Variants in ABCC2 observed in about 807,000 individuals in gnomAD.
The protein encoded by ABCC2 is ATP-binding cassette sub-family C member 2.
ABCC2 carries 157 observed loss-of-function variants against 173.4 expected under a neutral mutation model. The ratio of observed to expected loss-of-function variants is 0.91; its 90% CI spans 0.80 to 1.03. The LOEUF (loss-of-function observed/expected upper bound fraction) is 1.03. Ranked by LOEUF, ABCC2 falls within the 50% of genes least tolerant of loss-of-function variation. The pLI is 0.00. For synonymous variants in ABCC2, 657 were observed against 693.5 expected (o/e 0.95, Z 0.83); for missense variants, 1,822 against 1,852.3 (o/e 0.98, Z 0.30).
chr10:99,795,835 A>G (rs2037903166), intron 6 of ABCC2, among the ~76,000 whole-genome samples: 1 of 152,108 alleles, frequency 6.6e-6, no homozygotes, highest in African/African-American at 2.4e-5. Context: ...GTTAGATGCT[A>G]TTACAAATAA....
chr10:99,851,900 C>A lies in ABCC2; in HGVS notation c.*269C>A. 1 of 344,136 alleles carries A rather than the reference C, an allele frequency of 2.9e-6. No individual in the cohort carries two copies. The highest frequency in any genetic ancestry group is 4.4e-5 in the South Asian group (1 of 22,490). 21.3% of individuals were successfully genotyped at this position (344,136 alleles called of 1,614,324 possible). A position where few individuals can be genotyped will look rare whatever the true frequency, so the allele number is the denominator to read the frequency against. ...TGTCCTGAATTTCACGATAATTATT[C>A]CTTTGCCTTTCATTTCTGTTTTATC... On this transcript the variant is annotated 3_prime_UTR_variant, in exon 32 of 32. Transcript: ENST00000647814.
Position 99,814,177 on chromosome 10 carries a change from A to ACGTATATATACACACATG in ABCC2, c.2094+1033_2094+1034insCGTATATATACACACATG, listed in dbSNP as rs1564683398. Among the ~76,000 whole-genome samples, 184 of 99,756 alleles carry ACGTATATATACACACATG rather than the reference A, an allele frequency of 1.8e-3. 40 individuals are homozygous for ACGTATATATACACACATG. Among genetic ancestry groups the ACGTATATATACACACATG allele is most frequent in the Non-Finnish European group, 5.7e-4 (27 of 47,340 alleles). The allele number at this position is 99,756 out of a possible 152,430, so 65.4% of individuals were successfully genotyped here. A position where few individuals can be genotyped will look rare whatever the true frequency, so the allele number is the denominator to read the frequency against. ...TGTATACACACGTATATATACACAC[A>ACGTATATATACACACATG]TGTATGTATACACACATGTGTATAT... On this transcript the variant is annotated intron_variant, in intron 16 of 31. Coordinates refer to ENST00000647814, the MANE Select transcript of ABCC2 (RefSeq NM_000392.5).
intron 26 of ABCC2, among the ~76,000 whole-genome samples, chr10:99,842,583 C>A (rs1449493077): frequency 6.6e-6 from 1 of 152,160 alleles, no homozygotes; most frequent in Non-Finnish European, 1.5e-5. Context: ...GGATACATGG[C>A]AGGCATGATT....
At chr10:99,787,050 C>G (rs7393085) in intron 2 of ABCC2, among the ~76,000 whole-genome samples, 87,174 of 150,708 alleles carry the variant, frequency 0.58, 25,482 homozygotes, top group East Asian at 0.77. Flanking sequence ...CACCTGTAAC[C>G]CCAGCTACTC....
chr10:99,841,916 A>G (rs1370723963), intron 25 of ABCC2, 51 bp from the exon 26 acceptor site: 1 of 1,613,690 alleles, frequency 6.2e-7, no homozygotes, highest in Non-Finnish European at 8.5e-7. Context: ...TTGCTGGTTA[A>G]GATGAGGACG....
In ABCC2 at chr10:99,831,664, A is replaced by G. The variant is rs761760214; in HGVS notation, c.2937A>G (p.Ile979Met). Residue 979 changes from isoleucine to methionine, a missense_variant, in exon 22 of 32, where the codon ATA (isoleucine) becomes ATG (methionine). Coordinates refer to ENST00000647814, the MANE Select transcript of ABCC2 (RefSeq NM_000392.5). ...TACAAGCAATAGGATTGTTTTCGAT[A>G]TTCTTCATCATCCTTGCGTTTGTGA... ...EYLQAIGLFSIFFIILAFVMN... is the reference protein window; with the variant it reads ...EYLQAIGLFSMFFIILAFVMN... 5 of 1,614,146 alleles carry G rather than the reference A, an allele frequency of 3.1e-6. No homozygotes were observed. Among genetic ancestry groups the G allele is most frequent in the Admixed American group, 1.7e-5 (1 of 60,024 alleles).
intron 14 of ABCC2, among the ~76,000 whole-genome samples, chr10:99,811,258 A>G (rs995281083): frequency 1.6e-4 from 24 of 152,012 alleles, no homozygotes; most frequent in African/African-American, 5.8e-4. Flanking sequence ...TGAGCCCGGA[A>G]AGTCAAGGCG....
At chr10:99,812,899 T>C in intron 15 of ABCC2, 119 bp from the exon 16 acceptor site, 2 of 1,382,650 alleles carry the variant, frequency 1.4e-6, no homozygotes, top group South Asian at 2.3e-5. Context: ...AGGCAAATTT[T>C]CCAATCTTGA....
Position 99,823,096 on chromosome 10 carries a change from C to T in ABCC2, c.2620+3827C>T, listed in dbSNP as rs1256635464. Among the ~76,000 whole-genome samples the T allele has an allele frequency of 3.9e-5, 6 of 152,122 alleles. 1 individual carries two copies. ...CCAAATGAAGGTACATGCGTGACAT[C>T]CATTTGCCATAATGCATTAGGACAC... is the stretch of plus-strand genomic sequence containing the variant. On this transcript the variant is annotated intron_variant, in intron 19 of 31. Transcript: ENST00000647814.
At chr10:99,791,140 G>C (rs1349358047) in intron 2 of ABCC2, among the ~76,000 whole-genome samples, 1 of 152,176 alleles carries the variant, frequency 6.6e-6, no homozygotes, top group African/African-American at 2.4e-5. Flanking sequence ...GAGTGTGGTG[G>C]CTTATGCTTG....
At position 99,831,213 on chromosome 10, in the gene ABCC2, A is replaced by AT. The variant is rs572543262; in HGVS notation, c.2883+368dup. ...GAACCCCATCATCTGTTCCACTCTG[A>AT]TTTTTTGTTTGTGTGTTTATTTTAG... On this transcript the variant is annotated intron_variant, in intron 21 of 31. Coordinates refer to ENST00000647814, the MANE Select transcript of ABCC2 (RefSeq NM_000392.5). 1.7e-3 allele frequency among the ~76,000 whole-genome samples: 261 copies of AT among 152,144 alleles called. 1 individual carries two copies. The highest frequency in any genetic ancestry group is 5.4e-3 in the African/African-American group (224 of 41,504).
intron 16 of ABCC2, among the ~76,000 whole-genome samples, chr10:99,813,662 A>T (rs1230337387): frequency 6.6e-6 from 1 of 152,014 alleles, no homozygotes; most frequent in Non-Finnish European, 1.5e-5. Context: ...GTGAGCCAAG[A>T]TCATGCCACT....
chr10:99,814,614 T>C (rs1165427554), intron 16 of ABCC2, among the ~76,000 whole-genome samples: 2 of 105,150 alleles, frequency 1.9e-5, no homozygotes, highest in African/African-American at 4.0e-5. Context: ...TATGTGTATA[T>C]ACACATATAC....
intron 19 of ABCC2, 128 bp downstream of exon 19, chr10:99,819,397 C>G: frequency 1.1e-6 from 1 of 938,852 alleles, no homozygotes; most frequent in Admixed American, 2.0e-5. Flanking sequence ...GAGATTCAAA[C>G]TCTGCTTTCT....
chr10:99,841,697 T>C (rs1322367136), intron 25 of ABCC2, among the ~76,000 whole-genome samples: 3 of 152,252 alleles, frequency 2.0e-5, no homozygotes, highest in Non-Finnish European at 4.4e-5. Context: ...GTGATTCTTA[T>C]GATTTGGCGA....
chr10:99,848,742 G>A (rs139227068), intron 30 of ABCC2, among the ~76,000 whole-genome samples: 1,773 of 152,212 alleles, frequency 0.012, 25 homozygotes, highest in Non-Finnish European at 0.016. Flanking sequence ...AGCTCCCAAC[G>A]CCTAAACTGT....
Position 99,810,468 on chromosome 10 carries a change from A to G in ABCC2, c.1900+250A>G, listed in dbSNP as rs74661505. Among the ~76,000 whole-genome samples the G allele has an allele frequency of 1.1e-4, 17 of 152,372 alleles. No homozygotes were observed. In the East Asian group the frequency reaches 3.3e-3, roughly 29 times the overall value. ...AAGCAGGGAATCCTGCAAAAGATCC[A>G]GAAAGCAGAAGTCAGGATAGAGCCA... On this transcript the variant is annotated intron_variant, in intron 14 of 31. Transcript: ENST00000647814.
chr10:99,816,651 C>T (rs544128492), intron 16 of ABCC2, among the ~76,000 whole-genome samples: 1 of 152,192 alleles, frequency 6.6e-6, no homozygotes, highest in Non-Finnish European at 1.5e-5. Flanking sequence ...CCCCGTGGGC[C>T]TCAGACTGGT....
chr10:99,845,911 G>A, intron 29 of ABCC2, 129 bp downstream of exon 29: 1 of 1,053,170 alleles, frequency 9.5e-7, no homozygotes, highest in South Asian at 1.4e-5. Context: ...GGATACTTGA[G>A]CTAGTTCCCT....
Sources: allele counts gnomAD v4.1 joint callset (sites outside exome capture counted in the v4.1 genomes callset), GRCh38; gene constraint gnomAD v4.1.1; transcripts MANE v1.5; gene names NCBI Gene and HGNC (gene_info 2026-07-23, HGNC 2026-07-21).